The following DGKB variants were observed in gnomAD, a reference collection of about 807,000 sequenced individuals.
DGKB encodes 90 kDa diacylglycerol kinase.
A neutral mutation model predicts 114.3 loss-of-function variants in DGKB; 67 were observed. That is an observed-to-expected ratio of 0.59 (90% CI 0.48 to 0.72). The LOEUF is 0.72. Ranked by LOEUF, DGKB falls within the 30% of genes least tolerant of loss-of-function variation. The probability of loss-of-function intolerance (pLI) is 0.00; values close to 1 mark genes in which losing one functional copy is unlikely to be tolerated. For missense variants in DGKB, 907 were observed against 975.2 expected (o/e 0.93, Z 0.93); for synonymous variants, 398 against 323.1 (o/e 1.23, Z -2.49).
At chr7:14,613,537 G>T in intron 15 of DGKB, 124 bp from the exon 16 acceptor site, 1 of 629,896 alleles carries the variant, frequency 1.6e-6, no homozygotes, top group Non-Finnish European at 2.9e-6. Flanking sequence ...TCCACAATGT[G>T]TGTGTGTGCA....
At chr7:14,769,191 GAAAGAAAGGAAGA>G (rs1349764111) in intron 2 of DGKB, among the ~76,000 whole-genome samples, 1 of 139,690 alleles carries the variant, frequency 7.2e-6, no homozygotes, top group East Asian at 2.1e-4. Context: ...AGGAAAGAAA[GAAAGAAAGGAAGA>G]AAGGAAAGAA....
intron 1 of DGKB, among the ~76,000 whole-genome samples, chr7:14,879,259 T>C (rs1237569346): frequency 6.6e-6 from 1 of 151,952 alleles, no homozygotes; most frequent in Non-Finnish European, 1.5e-5. Context: ...TTTAGATTCC[T>C]GATTTGTCTA....
chr7:14,673,083 G>A (rs925596945), intron 12 of DGKB, 56 bp from the exon 13 acceptor site: 6 of 961,440 alleles, frequency 6.2e-6, no homozygotes, highest in African/African-American at 1.6e-5. Context: ...GCCTAACATG[G>A]GGGAGATTAT....
At chr7:14,947,538 T>A (rs1488945857) in intron 1 of DGKB, among the ~76,000 whole-genome samples, 3 of 132,744 alleles carry the variant, frequency 2.3e-5, no homozygotes, top group Non-Finnish European at 3.2e-5. Context: ...AATTATATGG[T>A]TGTACAATAG....
intron 2 of DGKB, among the ~76,000 whole-genome samples, chr7:14,791,398 A>T (rs181963947): frequency 3.5e-4 from 53 of 151,176 alleles, no homozygotes; most frequent in South Asian, 1.7e-3. Context: ...TTCTGATATA[A>T]TTTTTTTATT....
chr7:14,540,498 T>A (rs1317247312), intron 20 of DGKB, among the ~76,000 whole-genome samples: 2 of 152,140 alleles, frequency 1.3e-5, no homozygotes, highest in East Asian at 3.8e-4. Flanking sequence ...TTAAATCTCA[T>A]TTTAAAAGAC....
intron 2 of DGKB, chr7:14,815,092 T>A (rs1213520372): frequency 6.6e-6 from 1 of 152,228 alleles, no homozygotes; most frequent in African/African-American, 2.4e-5. Flanking sequence ...AATGGATTGA[T>A]ATAGAAAGTA....
At chr7:14,776,066 G>A (rs531341069) in intron 2 of DGKB, among the ~76,000 whole-genome samples, 1 of 152,172 alleles carries the variant, frequency 6.6e-6, no homozygotes, top group South Asian at 2.1e-4. Context: ...CGGAGATGAG[G>A]AACTGTTGGG....
chr7:14,429,326 T>A (rs1433568841), intron 21 of DGKB, among the ~76,000 whole-genome samples: 1 of 152,136 alleles, frequency 6.6e-6, no homozygotes, highest in Non-Finnish European at 1.5e-5. Flanking sequence ...TTTCTCTTTT[T>A]TTCTACCTTG....
chr7:14,411,939 G>A (rs1380796094), intron 21 of DGKB, among the ~76,000 whole-genome samples: 1 of 152,120 alleles, frequency 6.6e-6, no homozygotes, highest in Non-Finnish European at 1.5e-5. Context: ...AAAAATTAAT[G>A]AGATTGTTTA....
intron 6 of DGKB, among the ~76,000 whole-genome samples, chr7:14,714,783 G>A (rs547597039): frequency 6.6e-6 from 1 of 152,278 alleles, no homozygotes; most frequent in South Asian, 2.1e-4. Context: ...GAGCAAATAA[G>A]TTGAATGTCT....
chr7:14,499,112 G>GTTA (rs1785736094), intron 20 of DGKB, among the ~76,000 whole-genome samples: 1 of 151,642 alleles, frequency 6.6e-6, no homozygotes, highest in Non-Finnish European at 1.5e-5. Flanking sequence ...CGGTTTTTGA[G>GTTA]TTATTATTAT....
intron 13 of DGKB, among the ~76,000 whole-genome samples, chr7:14,641,248 G>A (rs1811727916): frequency 5.1e-5 from 1 of 19,556 alleles, no homozygotes; most frequent in African/African-American, 1.4e-4. Flanking sequence ...TAGGGATTTG[G>A]TTTACAATAT....
intron 23 of DGKB, among the ~76,000 whole-genome samples, chr7:14,262,165 GA>G: frequency 6.6e-6 from 1 of 152,296 alleles, no homozygotes; most frequent in Middle Eastern, 3.4e-3. Flanking sequence ...CCTAAAAAAG[GA>G]AACCCAGTAG....
chr7:14,660,735 C>T (rs62443690), intron 13 of DGKB, among the ~76,000 whole-genome samples: 3,449 of 151,800 alleles, frequency 0.023, 60 homozygotes, highest in South Asian at 0.039. Flanking sequence ...AAAAAGAGCC[C>T]GCATCGCCAA....
intron 21 of DGKB, among the ~76,000 whole-genome samples, chr7:14,470,304 C>G (rs1328683618): frequency 6.6e-6 from 1 of 151,804 alleles, no homozygotes; most frequent in East Asian, 1.9e-4. Flanking sequence ...TCCTGTTTAC[C>G]TAGTTGGCTA....
chr7:14,637,231 G>A (rs1481093897), intron 13 of DGKB, among the ~76,000 whole-genome samples: 1 of 151,924 alleles, frequency 6.6e-6, no homozygotes, highest in African/African-American at 2.4e-5. Flanking sequence ...AGAGCTGCAT[G>A]TAATAAACTA....
At position 14,815,047 on chromosome 7, in the gene DGKB, G is replaced by A. The variant is rs556333182; in HGVS notation, c.70+26147C>T. On this transcript the variant is annotated intron_variant, in intron 2 of 25. Transcript: ENST00000402815. Reference sequence around the variant, plus strand: ...TACATTATTACACATGAAATATTACGAATTGTGAATGAATACAGAGGGGTA... The same window carrying A: ...TACATTATTACACATGAAATATTACAAATTGTGAATGAATACAGAGGGGTA... The A allele has an allele frequency of 7.2e-5, 11 of 152,012 alleles. No homozygotes were observed. In the South Asian group the frequency reaches 1.5e-3, roughly 20 times the overall value. 9.4% of individuals were successfully genotyped at this position (152,012 alleles called of 1,614,324 possible). A position where few individuals can be genotyped will look rare whatever the true frequency, so the allele number is the denominator to read the frequency against.
chr7:14,290,801 T>C (rs186759484), intron 23 of DGKB, among the ~76,000 whole-genome samples: 1 of 152,188 alleles, frequency 6.6e-6, no homozygotes. Flanking sequence ...ACAGGCACCA[T>C]ATATTCTGAG....
Sources: allele counts gnomAD v4.1 joint callset (sites outside exome capture counted in the v4.1 genomes callset), GRCh38; gene constraint gnomAD v4.1.1; transcripts MANE v1.5; gene names NCBI Gene and HGNC (gene_info 2026-07-23, HGNC 2026-07-21).